The following HECW1 variants were observed in gnomAD, a reference collection of about 807,000 sequenced individuals.
HECW1 encodes the protein HECT, C2 and WW domain containing E3 ubiquitin protein ligase 1.
In HECW1, 61 loss-of-function variants were observed where a neutral mutation model predicts 182.3. The observed-to-expected ratio is 0.33, with a 90% CI of 0.27 to 0.41. The LOEUF is 0.41. HECW1 is among the 10% of genes least tolerant of loss of function. The pLI, the probability that HECW1 is intolerant of heterozygous loss-of-function variation, is 1.00. For missense variants in HECW1, 1,739 were observed against 2,108.9 expected, an observed-to-expected ratio of 0.82 and a Z score of 3.44; for synonymous variants, 859 against 832.6, an observed-to-expected ratio of 1.03 and a Z score of -0.55.
At chr7:43,345,158 CA>C (rs1813514187) in intron 5 of HECW1, among the ~76,000 whole-genome samples, 1 of 152,048 alleles carries the variant, frequency 6.6e-6, no homozygotes, top group Non-Finnish European at 1.5e-5. Flanking sequence ...TGGGTTATAG[CA>C]GGAGTTATGA....
chr7:43,508,690 G>T, intron 23 of HECW1: 1 of 438,604 alleles, frequency 2.3e-6, no homozygotes, highest in East Asian at 4.0e-5. Flanking sequence ...GTGTGTTTTA[G>T]CTCAGAGGTG....
chr7:43,274,284 C>T, intron 3 of HECW1: 1 of 1,023,128 alleles, frequency 9.8e-7, no homozygotes, highest in Non-Finnish European at 1.4e-6. Flanking sequence ...TCGCCAAGTC[C>T]CGCTTCTGGT....
intron 6 of HECW1, among the ~76,000 whole-genome samples, chr7:43,373,361 T>C (rs1246337520): frequency 2.6e-5 from 4 of 152,102 alleles, no homozygotes; most frequent in African/African-American, 9.7e-5. Flanking sequence ...GGTTTCTCTG[T>C]TGGCCAGGCT....
intron 7 of HECW1, among the ~76,000 whole-genome samples, chr7:43,406,317 C>G (rs192689234): frequency 1.3e-5 from 2 of 152,316 alleles, no homozygotes; most frequent in Admixed American, 1.3e-4. Flanking sequence ...TTCTCAACTC[C>G]TTTGGCATTT....
intron 5 of HECW1, among the ~76,000 whole-genome samples, chr7:43,347,300 G>A (rs1813813101): frequency 6.6e-6 from 1 of 151,990 alleles, no homozygotes; most frequent in Non-Finnish European, 1.5e-5. Flanking sequence ...AAAAGGGGTT[G>A]AGTTCTTGAT....
intron 8 of HECW1, among the ~76,000 whole-genome samples, chr7:43,431,914 T>C (rs1270534952): frequency 2.6e-5 from 4 of 151,088 alleles, no homozygotes; most frequent in African/African-American, 9.7e-5. Flanking sequence ...TCTCACTCTG[T>C]CACCCAATGT....
chr7:43,452,231 G>A (rs2152885355), intron 12 of HECW1, among the ~76,000 whole-genome samples: 1 of 152,218 alleles, frequency 6.6e-6, no homozygotes, highest in South Asian at 2.1e-4. Context: ...TGAAAAATAT[G>A]TATAACATGT....
intron 8 of HECW1, among the ~76,000 whole-genome samples, chr7:43,425,301 A>G (rs1233674032): frequency 8.5e-6 from 1 of 117,416 alleles, no homozygotes; most frequent in Non-Finnish European, 1.7e-5. Flanking sequence ...ATAGATAGAT[A>G]GATGATAGAT....
At chr7:43,538,442 C>G (rs1426523165) in intron 24 of HECW1, among the ~76,000 whole-genome samples, 1 of 152,082 alleles carries the variant, frequency 6.6e-6, no homozygotes, top group Non-Finnish European at 1.5e-5. Flanking sequence ...AAACTAATAG[C>G]AAAAATAGGT....
chr7:43,488,414 G>GAA (rs2078760510), intron 17 of HECW1, among the ~76,000 whole-genome samples: 1 of 86,904 alleles, frequency 1.2e-5, no homozygotes, highest in African/African-American at 4.2e-5. Context: ...GAAAGAAAGA[G>GAA]AGAGAGAGAA....
intron 8 of HECW1, among the ~76,000 whole-genome samples, chr7:43,417,297 G>A (rs1004236265): frequency 1.3e-5 from 2 of 152,058 alleles, no homozygotes; most frequent in Non-Finnish European, 2.9e-5. Context: ...TGATCCACCC[G>A]CCTTGATTTC....
chr7:43,242,794 G>A (rs1366131490), intron 2 of HECW1, among the ~76,000 whole-genome samples: 1 of 152,220 alleles, frequency 6.6e-6, no homozygotes, highest in Non-Finnish European at 1.5e-5. Flanking sequence ...GAACCATCCA[G>A]GAAGCCAGTG....
intron 8 of HECW1, among the ~76,000 whole-genome samples, chr7:43,407,981 G>GC (rs2075668666): frequency 6.6e-6 from 1 of 152,148 alleles, no homozygotes; most frequent in South Asian, 2.1e-4. Context: ...CAGAACCCAT[G>GC]CCGCGAGCAG....
chr7:43,221,639 C>T (rs1220798897), intron 2 of HECW1, among the ~76,000 whole-genome samples: 10 of 132,242 alleles, frequency 7.6e-5, no homozygotes, highest in Non-Finnish European at 1.1e-4. Context: ...CTGCAAGCTC[C>T]GCCTCCTGGA....
intron 13 of HECW1, among the ~76,000 whole-genome samples, chr7:43,459,637 A>C (rs1415910540): frequency 6.6e-6 from 1 of 151,886 alleles, no homozygotes. Context: ...TCCCGGGTTC[A>C]AGCGATTCTC....
chr7:43,432,840 A>G lies in HECW1; in HGVS notation c.802-5163A>G, dbSNP rs183223918. Among the ~76,000 whole-genome samples, 9 of 152,344 alleles carry G rather than the reference A, an allele frequency of 5.9e-5. No homozygotes were observed. The highest frequency in any genetic ancestry group is 2.2e-4 in the African/African-American group (9 of 41,574). ...TTAATTTCATTAAGTTCAATTTATA[A>G]AAGTTCTGTTTAGAGGCGATCTACC... On this transcript the variant is annotated intron_variant, in intron 8 of 29. Transcript: ENST00000395891. The surrounding 1 kb of genome is among the most constrained non-coding windows in gnomAD (Gnocchi z 4.1).
intron 3 of HECW1, among the ~76,000 whole-genome samples, chr7:43,268,735 A>G (rs922084368): frequency 2.0e-5 from 3 of 152,026 alleles, no homozygotes; most frequent in East Asian, 3.9e-4. Flanking sequence ...CAAATGTGTC[A>G]TCTTCTCCTG....
intron 5 of HECW1, among the ~76,000 whole-genome samples, chr7:43,336,728 A>G (rs543277142): frequency 1.3e-5 from 2 of 152,246 alleles, no homozygotes; most frequent in South Asian, 4.1e-4. Context: ...TGGGGTCCTC[A>G]GTCTATTATC....
Position 43,445,296 on chromosome 7 carries a change from C to T in HECW1, c.2124C>T (p.Tyr708=), listed in dbSNP as rs2077016125. 2.5e-6 allele frequency: 4 copies of T among 1,613,644 alleles called. No homozygotes were observed. Among genetic ancestry groups the T allele is most frequent in the Non-Finnish European group, 3.4e-6 (4 of 1,180,030 alleles). The change falls in exon 11 of 30, where the codon TAC becomes TAT. Residue 708 remains tyrosine, a synonymous_variant. Transcript: ENST00000395891. ...YSASCYSPSC[Y]NGNRFASHTR... ...CCTCGTGCTACAGCCCCTCCTGCTA[C>T]AACGGCAACAGGTTCGCCAGCCACA...
Sources: gnomAD v4.1 joint callset for allele counts (sites outside exome capture counted in the v4.1 genomes callset) on GRCh38, gnomAD v4.1.1 for gene constraint, Gnocchi (gnomAD v3.1) non-coding constraint, MANE v1.5 for transcripts, NCBI Gene and HGNC (gene_info 2026-07-23, HGNC 2026-07-21) for gene names.